The following COL5A2 variants were observed in gnomAD, a reference collection of about 807,000 sequenced individuals.
COL5A2 encodes collagen type V alpha 2 chain, also known as collagen alpha-2(V) chain.
COL5A2 carries 23 observed loss-of-function variants against 208.2 expected under a neutral mutation model. That is an observed-to-expected ratio of 0.11 (90% CI 0.08 to 0.16). The LOEUF is 0.16. Ranked by LOEUF, COL5A2 falls within the 10% of genes least tolerant of loss-of-function variation. COL5A2 has a pLI of 1.00. For synonymous variants in COL5A2, 625 were observed against 628.5 expected (o/e 0.99, Z 0.08); for missense variants, 1,590 against 1,956.4 (o/e 0.81, Z 3.53).
chr2:189,399,695 TTTGG>T, the COL5A2 span, among the ~76,000 whole-genome samples: 4 of 152,042 alleles, frequency 2.6e-5, no homozygotes, highest in Admixed American at 6.6e-5. Flanking sequence ...TTGGTTTGGT[TTTGG>T]TTGGTTGGTT....
the COL5A2 span, among the ~76,000 whole-genome samples, chr2:189,366,450 T>C: frequency 4.5e-4 from 68 of 152,338 alleles, 1 homozygote; most frequent in African/African-American, 1.6e-3. Flanking sequence ...CCAAGAAAGC[T>C]GCTAAACACC....
At chr2:189,305,759 C>T in the COL5A2 span, among the ~76,000 whole-genome samples, 5,588 of 149,682 alleles carry the variant, frequency 0.037, 117 homozygotes, top group Admixed American at 0.051. Context: ...GGCTAATTGG[C>T]GACAAGTTGA....
chr2:189,059,584 G>GTTTTT (rs1559083852), intron 31 of COL5A2, among the ~76,000 whole-genome samples: 23 of 21,252 alleles, frequency 1.1e-3, no homozygotes, highest in South Asian at 3.9e-3. Context: ...TTTCTTTTCT[G>GTTTTT]GTTTTTTTTT....
chr2:189,354,669 T>G, the COL5A2 span, among the ~76,000 whole-genome samples: 1 of 152,220 alleles, frequency 6.6e-6, no homozygotes, highest in East Asian at 1.9e-4. Context: ...TTCTTCTCTC[T>G]TTTCTGCTTT....
At chr2:189,281,147 G>C in the COL5A2 span, among the ~76,000 whole-genome samples, 34 of 151,996 alleles carry the variant, frequency 2.2e-4, no homozygotes, top group Non-Finnish European at 5.9e-5. Flanking sequence ...CTATGAGATT[G>C]TCAGAATGGA....
At chr2:189,036,918 TTAAG>T in intron 51 of COL5A2, 115 bp from the exon 52 acceptor site, 1 of 879,358 alleles carries the variant, frequency 1.1e-6, no homozygotes, top group Non-Finnish European at 1.8e-6. Flanking sequence ...AAGGATTCTT[TTAAG>T]TGAGAGTGCC....
rs147409722 is a variant in COL5A2 at position 189,071,405 on chromosome 2, C to G, written c.1158+635G>C. ...GTTTATCTAATGTAATCCTAATGTC[C>G]TTCTACTGTCATCCTTGAATTTATC... On this transcript the variant is annotated intron_variant, in intron 18 of 53. Coordinates refer to ENST00000374866, the MANE Select transcript of COL5A2 (RefSeq NM_000393.5). Among the ~76,000 whole-genome samples, 326 of 152,258 alleles carry G rather than the reference C, an allele frequency of 2.1e-3. 1 individual carries two copies. Among genetic ancestry groups the G allele is most frequent in the African/African-American group, 7.6e-3 (316 of 41,538 alleles).
chr2:189,200,484 A>T (rs2105856280), intron 1 of COL5A2, among the ~76,000 whole-genome samples: 1 of 148,158 alleles, frequency 6.7e-6, no homozygotes. Context: ...AGGGTAGCTA[A>T]GTAAGCTGGA....
chr2:189,079,636 A>G (rs899053484), intron 14 of COL5A2, among the ~76,000 whole-genome samples: 1 of 152,176 alleles, frequency 6.6e-6, no homozygotes, highest in Admixed American at 6.6e-5. Context: ...GTACTCAATA[A>G]TGGGACTAAT....
intron 1 of COL5A2, among the ~76,000 whole-genome samples, chr2:189,159,071 T>G (rs1420148344): frequency 6.6e-6 from 1 of 152,166 alleles, no homozygotes; most frequent in African/African-American, 2.4e-5. Context: ...CTGCAGATGA[T>G]TACATTTTTA....
chr2:189,194,923 A>C (rs10210890), intron 1 of COL5A2, among the ~76,000 whole-genome samples: 150,660 of 152,260 alleles, frequency 0.99, 74,554 homozygotes, highest in Middle Eastern at 1. Context: ...TATGTTGAAC[A>C]AGCCTTGCAT....
chr2:189,250,015 A>G, the COL5A2 span, among the ~76,000 whole-genome samples: 1 of 152,210 alleles, frequency 6.6e-6, no homozygotes, highest in Non-Finnish European at 1.5e-5. Context: ...GTATTATTCC[A>G]TGTACATGAG....
At chr2:189,363,157 A>T in the COL5A2 span, among the ~76,000 whole-genome samples, 4 of 152,108 alleles carry the variant, frequency 2.6e-5, no homozygotes, top group African/African-American at 7.2e-5. Context: ...TTAACTTTTT[A>T]AAAAAATTTC....
chr2:189,436,085 C>T, the COL5A2 span, among the ~76,000 whole-genome samples: 1 of 152,116 alleles, frequency 6.6e-6, no homozygotes, highest in Admixed American at 6.5e-5. Context: ...GGATAAAAAA[C>T]CAAACACCGC....
chr2:189,124,168 A>T (rs1288287771), intron 1 of COL5A2, among the ~76,000 whole-genome samples: 1 of 152,188 alleles, frequency 6.6e-6, no homozygotes, highest in Admixed American at 6.5e-5. Context: ...AACAAGAAGC[A>T]ATTAAAATAT....
the COL5A2 span, among the ~76,000 whole-genome samples, chr2:189,298,487 T>C: frequency 6.6e-6 from 1 of 152,220 alleles, no homozygotes; most frequent in Admixed American, 6.5e-5. Flanking sequence ...AGAAGCTAAG[T>C]AGGGTGGCCG....
chr2:189,210,496 A>T (rs577649967), intron 1 of COL5A2, among the ~76,000 whole-genome samples: 10 of 152,264 alleles, frequency 6.6e-5, no homozygotes, highest in African/African-American at 2.2e-4. Context: ...AAATATGGTG[A>T]ATTTCTGACT....
chr2:189,139,278 A>G (rs1374540897), intron 1 of COL5A2, among the ~76,000 whole-genome samples: 3 of 152,180 alleles, frequency 2.0e-5, no homozygotes, highest in Non-Finnish European at 4.4e-5. Context: ...TCCCTCTCAA[A>G]AATAAATAAA....
At chr2:189,238,382 C>T in the COL5A2 span, among the ~76,000 whole-genome samples, 1 of 151,978 alleles carries the variant, frequency 6.6e-6, no homozygotes, top group Non-Finnish European at 1.5e-5. Flanking sequence ...GATCATGAAC[C>T]TGAAGCATTA....
Sources: gnomAD v4.1 joint callset for allele counts (sites outside exome capture counted in the v4.1 genomes callset) on GRCh38, gnomAD v4.1.1 for gene constraint, MANE v1.5 for transcripts, NCBI Gene and HGNC (gene_info 2026-07-23, HGNC 2026-07-21) for gene names.